Variants in DAB1 observed in about 807,000 individuals in gnomAD.
DAB1 encodes the protein disabled homolog 1.
A neutral mutation model predicts 64.6 loss-of-function variants in DAB1; 15 were observed. The observed-to-expected ratio is 0.23, with a 90% CI of 0.16 to 0.36. DAB1 has a LOEUF of 0.36. Ranked by LOEUF, DAB1 falls within the 10% of genes least tolerant of loss-of-function variation. DAB1 has a pLI of 1.00. For synonymous variants in DAB1, 235 were observed against 251.9 expected (o/e 0.93, Z 0.64); for missense variants, 596 against 706.7 (o/e 0.84, Z 1.78).
At chr1:58,114,828 C>T (rs1362269269) in intron 5 of DAB1, among the ~76,000 whole-genome samples, 1 of 152,166 alleles carries the variant, frequency 6.6e-6, no homozygotes, top group Non-Finnish European at 1.5e-5. Flanking sequence ...TGTATTGTTA[C>T]AACTGTGCCA....
chr1:57,343,549 G>A (rs1259365074), intron 1 of DAB1, among the ~76,000 whole-genome samples: 1 of 152,212 alleles, frequency 6.6e-6, no homozygotes, highest in Non-Finnish European at 1.5e-5. Flanking sequence ...CACGGAGGTC[G>A]GGGGAGGCTC....
At chr1:57,098,700 C>T (rs954723393) in intron 4 of DAB1, among the ~76,000 whole-genome samples, 6 of 152,008 alleles carry the variant, frequency 3.9e-5, no homozygotes, top group South Asian at 4.2e-4. Context: ...TTAATTCTAC[C>T]GGACTATGAA....
In DAB1 at chr1:57,889,905, G is replaced by GC. The variant is rs201554391; in HGVS notation, n.388-5744_388-5743insG. On this transcript the variant is annotated intron_variant and non_coding_transcript_variant, in intron 5 of 20. Transcript: ENST00000485760. ...ATGGTAGCACAAACTGGGGCGGGGG[G>GC]GGGGGAGGGGGAAGAAATCACTGGA... Among the ~76,000 whole-genome samples the GC allele has an allele frequency of 7.0e-5, 9 of 128,668 alleles. No homozygotes were observed. The East Asian group carries it at 2.2e-3, about 31-fold the overall frequency. 84.4% of individuals were successfully genotyped at this position (128,668 alleles called of 152,430 possible).
intron 4 of DAB1, among the ~76,000 whole-genome samples, chr1:57,099,472 G>A (rs780150920): frequency 9.8e-5 from 15 of 152,312 alleles, no homozygotes; most frequent in Non-Finnish European, 1.9e-4. Context: ...AACAGTAAAT[G>A]AATGAAACAC....
chr1:57,039,689 C>T (rs917210671), intron 9 of DAB1, among the ~76,000 whole-genome samples: 6 of 152,280 alleles, frequency 3.9e-5, no homozygotes, highest in African/African-American at 1.2e-4. Context: ...GGTTGTAACT[C>T]CATGTTTTGA....
intron 7 of DAB1, among the ~76,000 whole-genome samples, chr1:57,570,178 C>G (rs998194858): frequency 6.6e-6 from 1 of 152,068 alleles, no homozygotes; most frequent in African/African-American, 2.4e-5. Flanking sequence ...CAGCTGCCAG[C>G]GAAGCTAGAA....
At chr1:57,788,309 G>A (rs575573448) in intron 6 of DAB1, among the ~76,000 whole-genome samples, 2 of 152,200 alleles carry the variant, frequency 1.3e-5, no homozygotes, top group Non-Finnish European at 2.9e-5. Context: ...AAAAACACTG[G>A]GTGCATTCAC....
In DAB1 at chr1:58,064,462, C is replaced by G. The variant is rs535873548; in HGVS notation, n.387+86049G>C. 1.4e-4 allele frequency among the ~76,000 whole-genome samples: 22 copies of G among 152,194 alleles called. No homozygotes were observed. In the South Asian group the frequency reaches 4.6e-3, roughly 32 times the overall value. The stretch of plus-strand genomic sequence containing the variant: ...TGTGAAGTGCTTGCTGTGTGGCTGG[C>G]CTTGGGTTAGGCGCTGTGGAGTGCT... On this transcript the variant is annotated intron_variant and non_coding_transcript_variant, in intron 5 of 20. Coordinates refer to the DAB1 transcript ENST00000485760.
intron 5 of DAB1, among the ~76,000 whole-genome samples, chr1:57,935,164 T>C (rs1479834637): frequency 2.6e-5 from 4 of 152,162 alleles, no homozygotes; most frequent in Admixed American, 2.6e-4. Flanking sequence ...AGTCTTGCCA[T>C]GAGAAGAAGG....
At chr1:57,169,557 G>A (rs1227927908) in intron 2 of DAB1, among the ~76,000 whole-genome samples, 3 of 152,090 alleles carry the variant, frequency 2.0e-5, no homozygotes, top group Admixed American at 2.0e-4. Flanking sequence ...GCTTTCATCA[G>A]GCCTCTGAAA....
chr1:58,352,208 C>T (rs950846927), intron 3 of DAB1, among the ~76,000 whole-genome samples: 1 of 152,038 alleles, frequency 6.6e-6, no homozygotes, highest in African/African-American at 2.4e-5. Flanking sequence ...CCCTATTTTT[C>T]TCTTATGCCT....
chr1:58,308,563 G>C (rs1258463323), intron 4 of DAB1, among the ~76,000 whole-genome samples: 4 of 152,106 alleles, frequency 2.6e-5, no homozygotes, highest in African/African-American at 4.8e-5. Flanking sequence ...ATGCATGTGA[G>C]TCTCAAGCAG....
At chr1:57,456,105 C>T (rs1216597667) in intron 7 of DAB1, among the ~76,000 whole-genome samples, 1 of 152,128 alleles carries the variant, frequency 6.6e-6, no homozygotes, top group Admixed American at 6.6e-5. Flanking sequence ...CTGTAACATC[C>T]ACCTATTGTC....
intron 1 of DAB1, among the ~76,000 whole-genome samples, chr1:57,376,063 G>A (rs1361174259): frequency 6.6e-6 from 1 of 152,176 alleles, no homozygotes; most frequent in Non-Finnish European, 1.5e-5. Flanking sequence ...AGATTCCATG[G>A]TAACACAAAA....
chr1:58,355,383 G>A (rs1174886829), intron 3 of DAB1, among the ~76,000 whole-genome samples: 1 of 152,138 alleles, frequency 6.6e-6, no homozygotes, highest in East Asian at 1.9e-4. Flanking sequence ...GTCTACCAGT[G>A]GAAATTTCTA....
chr1:58,499,602 ATAAAAATGTACTGTATATTTGAAAATTGC>A, intron 3 of DAB1, among the ~76,000 whole-genome samples: 1 of 152,270 alleles, frequency 6.6e-6, no homozygotes, highest in South Asian at 2.1e-4. Flanking sequence ...ACTACAGTTA[ATAAAAATGTACTGTATATTTGAAAATTGC>A]TAAGAGAATA....
intron 7 of DAB1, among the ~76,000 whole-genome samples, chr1:57,440,119 C>T (rs1303553384): frequency 2.0e-5 from 3 of 152,104 alleles, no homozygotes; most frequent in South Asian, 4.1e-4. Flanking sequence ...TTTTGAAATT[C>T]TTCTCAACCT....
chr1:58,328,109 G>A (rs914600423), intron 4 of DAB1, among the ~76,000 whole-genome samples: 1 of 152,186 alleles, frequency 6.6e-6, no homozygotes, highest in African/African-American at 2.4e-5. Flanking sequence ...CCAAGGATTT[G>A]TCAGGCCTGC....
intron 4 of DAB1, among the ~76,000 whole-genome samples, chr1:58,206,764 A>T (rs1425727005): frequency 6.6e-6 from 1 of 152,230 alleles, no homozygotes; most frequent in Non-Finnish European, 1.5e-5. Context: ...TTTGGTTAGT[A>T]GTTGTGAAAG....
Sources: allele counts gnomAD v4.1 joint callset (sites outside exome capture counted in the v4.1 genomes callset), GRCh38; gene constraint gnomAD v4.1.1; transcripts MANE v1.5; gene names NCBI Gene and HGNC (gene_info 2026-07-23, HGNC 2026-07-21).